Variants in PNLIPRP3 observed in about 807,000 individuals in gnomAD.
The protein encoded by PNLIPRP3 is pancreatic lipase related protein 3, also known as pancreatic lipase-related protein 3.
In PNLIPRP3, 58 loss-of-function variants were observed where a neutral mutation model predicts 52.8. That is an observed-to-expected ratio of 1.10 (90% CI 0.89 to 1.37). The LOEUF (loss-of-function observed/expected upper bound fraction) is 1.37, where lower values mean the gene tolerates loss of function less well. PNLIPRP3 is among the 40% of genes most tolerant of loss of function. The pLI is 0.00. For synonymous variants in PNLIPRP3, 192 were observed against 185.0 expected (o/e 1.04, Z -0.31); for missense variants, 593 against 561.6 (o/e 1.06, Z -0.57).
chr10:116,428,083 A>C, intron 1 of PNLIPRP3, 22 bp downstream of exon 1: 4 of 1,540,770 alleles, frequency 2.6e-6, no homozygotes, highest in Non-Finnish European at 2.7e-6. Context: ...AATTTATAAT[A>C]AGTTCTTTAA....
At chr10:116,446,698 C>G (rs1253912549) in intron 4 of PNLIPRP3, among the ~76,000 whole-genome samples, 1 of 152,154 alleles carries the variant, frequency 6.6e-6, no homozygotes, top group Non-Finnish European at 1.5e-5. Flanking sequence ...CAGTAACAGA[C>G]AAATTTTCTT....
chr10:116,443,425 G>A (rs1005976912), intron 3 of PNLIPRP3, among the ~76,000 whole-genome samples: 1 of 151,472 alleles, frequency 6.6e-6, no homozygotes, highest in Non-Finnish European at 1.5e-5. Context: ...AGATTAAATG[G>A]TATGATCAAT....
At chr10:116,465,396 G>A (rs750817350) in intron 7 of PNLIPRP3, among the ~76,000 whole-genome samples, 5 of 151,878 alleles carry the variant, frequency 3.3e-5, no homozygotes, top group African/African-American at 9.7e-5. Context: ...ATTAGCCGGC[G>A]TGGTGGTGGG....
At chr10:116,452,302 G>C (rs1353026349) in intron 4 of PNLIPRP3, among the ~76,000 whole-genome samples, 1 of 152,206 alleles carries the variant, frequency 6.6e-6, no homozygotes, top group Non-Finnish European at 1.5e-5. Context: ...CTTAAAGTTG[G>C]AACTTATATT....
At chr10:116,443,954 C>G (rs980621969) in intron 3 of PNLIPRP3, among the ~76,000 whole-genome samples, 1 of 151,194 alleles carries the variant, frequency 6.6e-6, no homozygotes, top group Non-Finnish European at 1.5e-5. Flanking sequence ...AAGAACTGCC[C>G]TAGACTGGGT....
At chr10:116,429,237 A>G (rs867748063) in intron 1 of PNLIPRP3, among the ~76,000 whole-genome samples, 6 of 152,200 alleles carry the variant, frequency 3.9e-5, no homozygotes, top group African/African-American at 1.4e-4. Flanking sequence ...GCCTATGTGT[A>G]TAAGGTATAT....
intron 5 of PNLIPRP3, among the ~76,000 whole-genome samples, chr10:116,458,273 C>T (rs931791568): frequency 2.6e-5 from 4 of 152,274 alleles, no homozygotes; most frequent in Admixed American, 6.5e-5. Flanking sequence ...ACATACTACA[C>T]ACTCAGATCC....
intron 1 of PNLIPRP3, among the ~76,000 whole-genome samples, chr10:116,430,907 C>T (rs1382764949): frequency 1.3e-5 from 2 of 152,118 alleles, no homozygotes; most frequent in African/African-American, 2.4e-5. Flanking sequence ...ATCCCAGTCT[C>T]GTATATGCAA....
intron 5 of PNLIPRP3, among the ~76,000 whole-genome samples, chr10:116,460,131 G>T (rs1454332298): frequency 6.6e-6 from 1 of 152,166 alleles, no homozygotes. Flanking sequence ...TGGCTTCTCT[G>T]TGCTTGGATA....
chr10:116,462,400 A>C (rs1348122021), intron 7 of PNLIPRP3, among the ~76,000 whole-genome samples: 1 of 151,546 alleles, frequency 6.6e-6, no homozygotes, highest in African/African-American at 2.4e-5. Context: ...CCTGTAGTCA[A>C]GATATCAAGG....
intron 7 of PNLIPRP3, among the ~76,000 whole-genome samples, chr10:116,464,672 T>C (rs555622760): frequency 6.6e-6 from 1 of 152,270 alleles, no homozygotes; most frequent in South Asian, 2.1e-4. Flanking sequence ...CAAAAAAACT[T>C]GGAGATGGCA....
chr10:116,456,050 A>G (rs1846108925), intron 5 of PNLIPRP3, among the ~76,000 whole-genome samples: 1 of 152,210 alleles, frequency 6.6e-6, no homozygotes. Flanking sequence ...AGTAAGAGAA[A>G]CTATGTGTTC....
At chr10:116,438,076 C>T (rs1010813072) in intron 2 of PNLIPRP3, among the ~76,000 whole-genome samples, 4 of 152,176 alleles carry the variant, frequency 2.6e-5, no homozygotes, top group African/African-American at 9.7e-5. Flanking sequence ...TGATAACCCT[C>T]TTATCAGAAA....
At chr10:116,449,024 A>G (rs1845997845) in intron 4 of PNLIPRP3, among the ~76,000 whole-genome samples, 3 of 151,740 alleles carry the variant, frequency 2.0e-5, no homozygotes, top group Admixed American at 2.0e-4. Context: ...TCAAAAAAAA[A>G]AAAAAAAAAA....
intron 7 of PNLIPRP3, among the ~76,000 whole-genome samples, chr10:116,462,103 G>A (rs1846200828): frequency 6.6e-6 from 1 of 152,130 alleles, no homozygotes. Flanking sequence ...CGTGGTTTGA[G>A]TTACTTGTAA....
intron 5 of PNLIPRP3, among the ~76,000 whole-genome samples, chr10:116,456,488 T>C (rs1846115295): frequency 6.6e-6 from 1 of 152,192 alleles, no homozygotes; most frequent in Non-Finnish European, 1.5e-5. Context: ...TTAAAAGTTA[T>C]TTTTAAAAAG....
chr10:116,449,232 C>T (rs1304491916), intron 4 of PNLIPRP3, among the ~76,000 whole-genome samples: 2 of 152,084 alleles, frequency 1.3e-5, no homozygotes, highest in Admixed American at 1.3e-4. Context: ...AACAATAAGT[C>T]CTTCTCCATC....
At chr10:116,466,785 G>A (rs561485773) in intron 8 of PNLIPRP3, among the ~76,000 whole-genome samples, 5 of 152,216 alleles carry the variant, frequency 3.3e-5, no homozygotes, top group African/African-American at 7.2e-5. Context: ...GTTTTATCAC[G>A]GTAGAAAATG....
At chr10:116,432,331 C>A (rs903826360) in intron 1 of PNLIPRP3, among the ~76,000 whole-genome samples, 5 of 152,182 alleles carry the variant, frequency 3.3e-5, no homozygotes, top group Non-Finnish European at 5.9e-5. Context: ...TGCCAATTTA[C>A]ATGATTTCTT....
Sources: gnomAD v4.1 joint callset for allele counts (sites outside exome capture counted in the v4.1 genomes callset) on GRCh38, gnomAD v4.1.1 for gene constraint, MANE v1.5 for transcripts, NCBI Gene and HGNC (gene_info 2026-07-23, HGNC 2026-07-21) for gene names.